The following NKAIN2 variants were observed in gnomAD, a reference collection of about 807,000 sequenced individuals.
The protein encoded by NKAIN2 is sodium/potassium transporting ATPase interacting 2.
NKAIN2 carries 14 observed loss-of-function variants against 32.6 expected under a neutral mutation model. That is an observed-to-expected ratio of 0.43 (90% confidence interval 0.28 to 0.67). The LOEUF is 0.67. NKAIN2 is among the 30% of genes least tolerant of loss of function. The probability of loss-of-function intolerance (pLI) is 0.17; values close to 1 mark genes in which losing one functional copy is unlikely to be tolerated. For synonymous variants in NKAIN2, 80 were observed against 87.2 expected, an observed-to-expected ratio of 0.92 and a Z score of 0.46; for missense variants, 198 against 258.3, an observed-to-expected ratio of 0.77 and a Z score of 1.60.
intron 4 of NKAIN2, among the ~76,000 whole-genome samples, chr6:124,787,060 C>T (rs1480785411): frequency 1.3e-5 from 2 of 151,906 alleles, no homozygotes; most frequent in Admixed American, 6.6e-5. Context: ...CATTTCAAGC[C>T]CTCCCACCTC....
At chr6:124,435,482 G>T (rs781334198) in intron 3 of NKAIN2, among the ~76,000 whole-genome samples, 1 of 151,980 alleles carries the variant, frequency 6.6e-6, no homozygotes, top group Non-Finnish European at 1.5e-5. Context: ...TAAATCTTTC[G>T]ATTCTCACAA....
intron 1 of NKAIN2, among the ~76,000 whole-genome samples, chr6:123,819,703 TA>T (rs1394440763): frequency 3.9e-5 from 6 of 152,088 alleles, no homozygotes; most frequent in African/African-American, 1.4e-4. Flanking sequence ...GCAGGGTAAT[TA>T]TTTAGGATGC....
chr6:124,308,477 G>A (rs1172754168), intron 2 of NKAIN2, among the ~76,000 whole-genome samples: 1 of 152,086 alleles, frequency 6.6e-6, no homozygotes, highest in Non-Finnish European at 1.5e-5. Flanking sequence ...TTAATATTTA[G>A]CAAACAGATA....
intron 4 of NKAIN2, among the ~76,000 whole-genome samples, chr6:124,721,358 C>G (rs935360080): frequency 2.4e-4 from 36 of 148,496 alleles, no homozygotes; most frequent in African/African-American, 8.2e-4. Flanking sequence ...GAGCGGAGAT[C>G]GCGCCACAGC....
intron 3 of NKAIN2, among the ~76,000 whole-genome samples, chr6:124,484,213 A>G (rs1777565102): frequency 6.6e-6 from 1 of 152,222 alleles, no homozygotes; most frequent in African/African-American, 2.4e-5. Flanking sequence ...ACATGTCCTA[A>G]AATATTTCCA....
intron 3 of NKAIN2, among the ~76,000 whole-genome samples, chr6:124,540,943 A>C (rs961384853): frequency 6.6e-6 from 1 of 152,190 alleles, no homozygotes; most frequent in African/African-American, 2.4e-5. Flanking sequence ...ATTTCTGCTT[A>C]AAATATCCCC....
intron 4 of NKAIN2, among the ~76,000 whole-genome samples, chr6:124,694,554 G>C (rs886480256): frequency 6.6e-6 from 1 of 152,166 alleles, no homozygotes; most frequent in Non-Finnish European, 1.5e-5. Context: ...TCTTCATTCA[G>C]CCTCTGTGCT....
At chr6:124,815,344 G>T (rs1054619421) in intron 5 of NKAIN2, among the ~76,000 whole-genome samples, 4 of 150,080 alleles carry the variant, frequency 2.7e-5, no homozygotes, top group African/African-American at 9.7e-5. Flanking sequence ...CATGATCTCT[G>T]CTCATTGAAA....
intron 1 of NKAIN2, among the ~76,000 whole-genome samples, chr6:124,197,654 A>G (rs1005099833): frequency 6.6e-6 from 1 of 152,056 alleles, no homozygotes; most frequent in Non-Finnish European, 1.5e-5. Flanking sequence ...TATTTTACTC[A>G]TTTGGACAAT....
intron 4 of NKAIN2, among the ~76,000 whole-genome samples, chr6:124,690,029 T>A (rs1406909649): frequency 2.6e-5 from 4 of 152,166 alleles, no homozygotes; most frequent in Admixed American, 1.3e-4. Flanking sequence ...ATTGAATTCA[T>A]AGATCAAGTT....
At position 124,016,857 on chromosome 6, in the gene NKAIN2, A is replaced by G. The variant is rs1041655353; in HGVS notation, c.54+212603A>G. On this transcript the variant is annotated intron_variant, in intron 1 of 6. Coordinates refer to ENST00000368417, the MANE Select transcript of NKAIN2 (RefSeq NM_001040214.3). Reference sequence around the variant, plus strand: ...CCCGCCTAAGGTATGTATTGGAGCTAGCATTTGAATCCAGGTCTGCATTGC... The same window carrying G: ...CCCGCCTAAGGTATGTATTGGAGCTGGCATTTGAATCCAGGTCTGCATTGC... Among the ~76,000 whole-genome samples the G allele has an allele frequency of 5.3e-5, 8 of 152,270 alleles. No homozygotes were observed. The East Asian group carries it at 1.5e-3, about 29-fold the overall frequency.
chr6:124,288,329 G>A (rs1269391621), intron 2 of NKAIN2, among the ~76,000 whole-genome samples: 2 of 152,202 alleles, frequency 1.3e-5, no homozygotes, highest in Admixed American at 6.5e-5. Flanking sequence ...ACCCAAATCT[G>A]TCTGATAAAT....
chr6:124,015,152 T>C (rs539658761), intron 1 of NKAIN2, among the ~76,000 whole-genome samples: 2 of 152,340 alleles, frequency 1.3e-5, no homozygotes, highest in East Asian at 3.9e-4. Flanking sequence ...TCTCTCATTT[T>C]CTTTGCATAT....
rs1256672753 is a variant in NKAIN2 at position 124,678,018 on chromosome 6, G to GCACTTTGAATATATTATCCCACT, written c.474+19634_474+19656dup. 5.9e-5 allele frequency among the ~76,000 whole-genome samples: 9 copies of GCACTTTGAATATATTATCCCACT among 151,650 alleles called. 1 individual carries two copies. The East Asian group carries it at 1.7e-3, about 29-fold the overall frequency. ...TGCTGGTAGTGTTTTTTTTCTTTCA[G>GCACTTTGAATATATTATCCCACT]CACTTTGAATATATTATCCCACTCC... On this transcript the variant is annotated intron_variant, in intron 4 of 6. Transcript: ENST00000368417.
chr6:124,347,510 AT>A (rs1459827628), intron 2 of NKAIN2, among the ~76,000 whole-genome samples: 3 of 151,954 alleles, frequency 2.0e-5, no homozygotes, highest in African/African-American at 7.3e-5. Flanking sequence ...ATAGTCCCAT[AT>A]TTCTTGGAGG....
intron 4 of NKAIN2, among the ~76,000 whole-genome samples, chr6:124,701,533 C>T (rs1229258188): frequency 2.0e-5 from 3 of 151,852 alleles, no homozygotes; most frequent in Non-Finnish European, 4.4e-5. Context: ...CTGAAAACAA[C>T]TAATTAAAGG....
intron 3 of NKAIN2, among the ~76,000 whole-genome samples, chr6:124,599,112 C>T (rs192191352): frequency 4.5e-4 from 68 of 151,150 alleles, no homozygotes; most frequent in Non-Finnish European, 8.5e-4. Flanking sequence ...CAGCCTCTTG[C>T]CAAACTGCGA....
chr6:124,325,193 C>G (rs759754942), intron 2 of NKAIN2, among the ~76,000 whole-genome samples: 1 of 152,016 alleles, frequency 6.6e-6, no homozygotes, highest in Non-Finnish European at 1.5e-5. Flanking sequence ...GACAATTGCA[C>G]TGGAGAATTG....
At chr6:124,560,215 C>CTTGAGATTTGCTTCTCTCATGCTTCTCT (rs1780637791) in intron 3 of NKAIN2, among the ~76,000 whole-genome samples, 1 of 152,086 alleles carries the variant, frequency 6.6e-6, no homozygotes. Flanking sequence ...GCAGTTACCT[C>CTTGAGATTTGCTTCTCTCATGCTTCTCT]CATGCTTCTC....
Sources: gnomAD v4.1 joint callset for allele counts (sites outside exome capture counted in the v4.1 genomes callset) on GRCh38, gnomAD v4.1.1 for gene constraint, MANE v1.5 for transcripts, NCBI Gene and HGNC (gene_info 2026-07-23, HGNC 2026-07-21) for gene names.